AGTPBP1: variants seen among roughly 807,000 people sequenced by gnomAD.
AGTPBP1 encodes cytosolic carboxypeptidase 1.
AGTPBP1 carries 70 observed loss-of-function variants against 143.9 expected under a neutral mutation model. The ratio of observed to expected loss-of-function variants is 0.49; its 90% CI spans 0.40 to 0.59. AGTPBP1 has a LOEUF of 0.59. Among genes scored for constraint, AGTPBP1 ranks in the 20% least tolerant of loss-of-function variants. AGTPBP1 has a pLI of 0.00. For synonymous variants in AGTPBP1, 463 were observed against 500.2 expected (o/e 0.93, Z 0.99); for missense variants, 1,229 against 1,464.5 (o/e 0.84, Z 2.62).
At chr9:85,688,817 T>A (rs1835659388) in intron 3 of AGTPBP1, among the ~76,000 whole-genome samples, 1 of 152,224 alleles carries the variant, frequency 6.6e-6, no homozygotes, top group African/African-American at 2.4e-5. Context: ...ACATAAGTAG[T>A]ATATGCTTGT....
In AGTPBP1 at chr9:85,677,306, T is replaced by C. The variant is rs1019334687; in HGVS notation, c.436+130A>G. On this transcript the variant is annotated intron_variant, in intron 6 of 25. Coordinates refer to ENST00000357081, the MANE Select transcript of AGTPBP1 (RefSeq NM_001330701.2). ...TATCATGTGTACCCCCATAAACATG[T>C]ACAATTATTGTGTATCCATAGAAAT... 2.2e-5 allele frequency: 18 copies of C among 818,894 alleles called. No homozygotes were observed. In the African/African-American group the frequency reaches 2.9e-4, roughly 13 times the overall value. 50.7% of individuals were successfully genotyped at this position (818,894 alleles called of 1,614,324 possible).
intron 22 of AGTPBP1, among the ~76,000 whole-genome samples, chr9:85,586,283 G>A (rs1828602109): frequency 6.6e-6 from 1 of 151,330 alleles, no homozygotes; most frequent in African/African-American, 2.4e-5. Context: ...CATTAAGAAG[G>A]GTATGGTTTT....
At chr9:85,793,666 TA>T in the AGTPBP1 span, among the ~76,000 whole-genome samples, 1 of 152,148 alleles carries the variant, frequency 6.6e-6, no homozygotes, top group Non-Finnish European at 1.5e-5. Flanking sequence ...CCTTAAGTGG[TA>T]TGAGGTATTC....
chr9:85,739,708 C>CA (rs547952850), intron 1 of AGTPBP1, among the ~76,000 whole-genome samples: 10,368 of 81,858 alleles, frequency 0.13, 940 homozygotes, highest in East Asian at 0.58. Flanking sequence ...AACTCCGTCT[C>CA]AAAAAAAAAA....
chr9:85,587,507 T>C (rs1828690938), intron 21 of AGTPBP1, among the ~76,000 whole-genome samples: 1 of 152,132 alleles, frequency 6.6e-6, no homozygotes, highest in African/African-American at 2.4e-5. Flanking sequence ...TGATGATAAA[T>C]ATAAATAGAA....
At chr9:85,740,130 T>G (rs1824148134) in intron 1 of AGTPBP1, among the ~76,000 whole-genome samples, 1 of 152,228 alleles carries the variant, frequency 6.6e-6, no homozygotes, top group Admixed American at 6.5e-5. Context: ...AAGAGAAGAA[T>G]GCCTCAATTC....
chr9:85,548,938 G>T (rs1825886013), intron 25 of AGTPBP1, among the ~76,000 whole-genome samples: 1 of 152,160 alleles, frequency 6.6e-6, no homozygotes, highest in African/African-American at 2.4e-5. Flanking sequence ...GCCTCCCAAA[G>T]TGCTGGGATT....
chr9:85,750,202 T>C, the AGTPBP1 span, among the ~76,000 whole-genome samples: 1 of 152,156 alleles, frequency 6.6e-6, no homozygotes, highest in Non-Finnish European at 1.5e-5. Context: ...ACAGAAATAG[T>C]AGAGAGTCAA....
rs1368723721 is a variant in AGTPBP1 at position 85,692,768 on chromosome 9, C to T, written c.78G>A (p.Glu26=). The change falls in exon 3 of 26, where the codon GAG becomes GAA. Residue 26 remains glutamate, a synonymous_variant. Coordinates refer to ENST00000357081, the MANE Select transcript of AGTPBP1 (RefSeq NM_001330701.2). ...ATTCTGAAGGCTCAGCATTGATCTTCTCCAGTTGAGCCAGGAGTCCTACGA... is the reference window on the plus strand; with the variant it reads ...ATTCTGAAGGCTCAGCATTGATCTTTTCCAGTTGAGCCAGGAGTCCTACGA... The part of the protein sequence containing the change: ...SRIVGLLAQL[E]KINAEPSESD... 3.1e-6 allele frequency: 5 copies of T among 1,613,956 alleles called. No homozygotes were observed. The highest frequency in any genetic ancestry group is 1.6e-4 in the Middle Eastern group (1 of 6,062).
At chr9:85,663,046 G>C (rs909153684) in intron 8 of AGTPBP1, among the ~76,000 whole-genome samples, 5 of 152,136 alleles carry the variant, frequency 3.3e-5, no homozygotes, top group East Asian at 1.9e-4. Flanking sequence ...ACAGAACCTA[G>C]GTGGAGTCTG....
At chr9:85,651,179 T>C (rs1358750073) in intron 11 of AGTPBP1, among the ~76,000 whole-genome samples, 2 of 152,178 alleles carry the variant, frequency 1.3e-5, no homozygotes, top group South Asian at 2.1e-4. Flanking sequence ...TGTGCATCTT[T>C]GAAATTTCCT....
the AGTPBP1 span, among the ~76,000 whole-genome samples, chr9:85,748,402 A>T: frequency 4.6e-5 from 7 of 152,110 alleles, no homozygotes; most frequent in Non-Finnish European, 7.4e-5. Context: ...ACTCTATCCT[A>T]GGTGAATATA....
chr9:85,711,441 C>CTTT (rs746034159), intron 2 of AGTPBP1, among the ~76,000 whole-genome samples: 1,966 of 139,286 alleles, frequency 0.014, 23 homozygotes, highest in Middle Eastern at 0.036. Flanking sequence ...TTTTTTCTTT[C>CTTT]TTTTTTTTTT....
At chr9:85,801,976 T>C in the AGTPBP1 span, among the ~76,000 whole-genome samples, 1 of 152,186 alleles carries the variant, frequency 6.6e-6, no homozygotes. Flanking sequence ...TATATATAAC[T>C]ATGTGGATGT....
intron 17 of AGTPBP1, among the ~76,000 whole-genome samples, chr9:85,602,798 T>G (rs946306314): frequency 6.6e-6 from 1 of 152,124 alleles, no homozygotes; most frequent in African/African-American, 2.4e-5. Flanking sequence ...CTCACACCAC[T>G]CCCGCAGTCC....
intron 12 of AGTPBP1, among the ~76,000 whole-genome samples, chr9:85,643,696 T>A (rs1832640981): frequency 1.3e-5 from 2 of 152,144 alleles, no homozygotes; most frequent in African/African-American, 4.8e-5. Context: ...AAAGGAAAAG[T>A]ATGTCCTCAG....
At chr9:85,762,707 A>C in the AGTPBP1 span, among the ~76,000 whole-genome samples, 2 of 151,492 alleles carry the variant, frequency 1.3e-5, no homozygotes, top group South Asian at 2.1e-4. Flanking sequence ...CCAACATGGC[A>C]CATGTATACA....
At chr9:85,676,976 T>TA (rs901536692) in intron 6 of AGTPBP1, among the ~76,000 whole-genome samples, 24 of 152,126 alleles carry the variant, frequency 1.6e-4, no homozygotes, top group African/African-American at 5.5e-4. Context: ...ATGCAGAAGC[T>TA]AAAAAAACTG....
intron 23 of AGTPBP1, among the ~76,000 whole-genome samples, chr9:85,584,095 C>G (rs1428013276): frequency 2.6e-5 from 4 of 151,986 alleles, no homozygotes; most frequent in Non-Finnish European, 5.9e-5. Context: ...CTTCATCTAG[C>G]TTTCTCCCAT....
Sources: allele counts gnomAD v4.1 joint callset (sites outside exome capture counted in the v4.1 genomes callset), GRCh38; gene constraint gnomAD v4.1.1; transcripts MANE v1.5; gene names NCBI Gene and HGNC (gene_info 2026-07-23, HGNC 2026-07-21).